The following SUCLA2 variants were observed in gnomAD, a reference collection of about 807,000 sequenced individuals.
SUCLA2 encodes the protein succinate-CoA ligase ADP-forming subunit beta, also known as succinate--CoA ligase [ADP-forming] subunit beta, mitochondrial.
In SUCLA2, 30 loss-of-function variants were observed where a neutral mutation model predicts 54.8. That is an observed-to-expected ratio of 0.55 (90% CI 0.41 to 0.74). The LOEUF is 0.74. Among genes scored for constraint, SUCLA2 ranks in the 30% least tolerant of loss-of-function variants. The pLI is 0.00. For missense variants in SUCLA2, 476 were observed against 562.9 expected (o/e 0.85, Z 1.56); for synonymous variants, 172 against 188.9 (o/e 0.91, Z 0.74).
In SUCLA2 at chr13:47,949,544, C is replaced by T; in HGVS notation, c.1167G>A (p.Gln389=). The T allele has an allele frequency of 3.7e-6, 6 of 1,613,594 alleles. No homozygotes were observed. Among genetic ancestry groups the T allele is most frequent in the Non-Finnish European group, 5.1e-6 (6 of 1,179,664 alleles). ...AGTCTTTTACTGCCATGACTATACCCTGTGCAATAACATCACAGCGCATGA... is the reference window on the plus strand; with the variant it reads ...AGTCTTTTACTGCCATGACTATACCTTGTGCAATAACATCACAGCGCATGA... ...GGIMRCDVIA[Q]GIVMAVKDLE... Residue 389 remains glutamine, a synonymous_variant, in exon 9 of 11, where the codon CAG becomes CAA. Coordinates refer to ENST00000646932, the MANE Select transcript of SUCLA2 (RefSeq NM_003850.3).
intron 4 of SUCLA2, among the ~76,000 whole-genome samples, chr13:47,986,604 A>G (rs1215119812): frequency 6.6e-6 from 1 of 152,152 alleles, no homozygotes; most frequent in African/African-American, 2.4e-5. Context: ...CGTTTTCATC[A>G]TGAATCTTTG....
At chr13:47,980,144 C>T (rs1237192167) in intron 4 of SUCLA2, among the ~76,000 whole-genome samples, 3 of 152,120 alleles carry the variant, frequency 2.0e-5, no homozygotes, top group African/African-American at 4.8e-5. Context: ...AGGCAGGGCG[C>T]GGTGGCTCAC....
At chr13:47,951,989 TAAAAA>T (rs11404279) in intron 8 of SUCLA2, among the ~76,000 whole-genome samples, 2 of 131,060 alleles carry the variant, frequency 1.5e-5, no homozygotes. Context: ...CATGCCTTTG[TAAAAA>T]AAAAAAAAAA....
rs903645474 is a variant in SUCLA2 at position 47,942,723 on chromosome 13, A to G, written c.*648T>C. On this transcript the variant is annotated 3_prime_UTR_variant, in exon 11 of 11. Coordinates refer to ENST00000646932, the MANE Select transcript of SUCLA2 (RefSeq NM_003850.3). ...TTTTGTCTGTAAGTCCTTGGTATAT[A>G]TGCCTTTATTTGAAGCAAACCTACA... is the stretch of plus-strand genomic sequence containing the variant. The G allele has an allele frequency of 3.3e-5, 5 of 152,346 alleles. No homozygotes were observed. Among genetic ancestry groups the G allele is most frequent in the African/African-American group, 1.2e-4 (5 of 41,464 alleles). 9.4% of individuals were successfully genotyped at this position (152,346 alleles called of 1,614,324 possible). A position where few individuals can be genotyped will look rare whatever the true frequency, so the allele number is the denominator to read the frequency against.
chr13:47,994,272 T>G (rs2137750462), intron 2 of SUCLA2, among the ~76,000 whole-genome samples: 1 of 151,640 alleles, frequency 6.6e-6, no homozygotes, highest in East Asian at 2.0e-4. Flanking sequence ...AATGACTCAC[T>G]AAAAACACAA....
chr13:47,952,640 C>T (rs1394986681), intron 8 of SUCLA2, among the ~76,000 whole-genome samples: 3 of 151,914 alleles, frequency 2.0e-5, no homozygotes, highest in East Asian at 3.9e-4. Flanking sequence ...CTCAGAAATG[C>T]CTCTAATTTA....
At chr13:47,943,624 ACTC>A (rs564867026) in intron 10 of SUCLA2, among the ~76,000 whole-genome samples, 179 bp from the exon 11 acceptor site, 1 of 151,950 alleles carries the variant, frequency 6.6e-6, no homozygotes, top group South Asian at 2.1e-4. Context: ...CAAGTCTGAC[ACTC>A]CTCATAGTCC....
chr13:47,955,758 G>A (rs1373261764), intron 6 of SUCLA2, among the ~76,000 whole-genome samples: 2 of 151,964 alleles, frequency 1.3e-5, no homozygotes, highest in Non-Finnish European at 2.9e-5. Flanking sequence ...CTACCAAAAT[G>A]GCTCTTAACA....
intron 4 of SUCLA2, among the ~76,000 whole-genome samples, chr13:47,980,030 T>C (rs1950048353): frequency 2.0e-5 from 3 of 152,120 alleles, no homozygotes; most frequent in African/African-American, 7.2e-5. Flanking sequence ...CCAGTTAAAA[T>C]CAAAGAGAAT....
chr13:47,981,218 G>A (rs796839078), intron 4 of SUCLA2, among the ~76,000 whole-genome samples: 10 of 151,846 alleles, frequency 6.6e-5, no homozygotes, highest in African/African-American at 2.2e-4. Context: ...GCTGAAATTC[G>A]GAATATGTAA....
At chr13:47,992,604 C>CA (rs1435510001) in intron 2 of SUCLA2, among the ~76,000 whole-genome samples, 1 of 152,166 alleles carries the variant, frequency 6.6e-6, no homozygotes, top group Non-Finnish European at 1.5e-5. Context: ...CTCATAGAAC[C>CA]TGCAGTCTTA....
At chr13:47,975,524 G>A (rs80201783) in intron 4 of SUCLA2, among the ~76,000 whole-genome samples, 1 of 151,980 alleles carries the variant, frequency 6.6e-6, no homozygotes, top group Non-Finnish European at 1.5e-5. Context: ...AAAGGAATAG[G>A]ATTGCATTCA....
chr13:47,945,247 CT>C (rs1417432366), intron 10 of SUCLA2, among the ~76,000 whole-genome samples: 55 of 51,766 alleles, frequency 1.1e-3, no homozygotes, highest in Non-Finnish European at 1.8e-3. Flanking sequence ...AAAACTCTGT[CT>C]TAAAAAAAAA....
intron 2 of SUCLA2, among the ~76,000 whole-genome samples, chr13:47,996,631 T>TC (rs1950193552): frequency 1.3e-5 from 2 of 151,840 alleles, no homozygotes; most frequent in Non-Finnish European, 2.9e-5. Context: ...TGTAAGTGAC[T>TC]CCCACGTCAC....
intron 6 of SUCLA2, chr13:47,956,789 C>T (rs986639972): frequency 3.9e-5 from 6 of 152,090 alleles, no homozygotes; most frequent in South Asian, 2.1e-4. Context: ...GTTAAACATC[C>T]GACCAAGCAC....
intron 6 of SUCLA2, among the ~76,000 whole-genome samples, chr13:47,961,292 C>G (rs539085335): frequency 1.1e-4 from 16 of 152,048 alleles, no homozygotes; most frequent in East Asian, 3.9e-4. Flanking sequence ...GTGGGGGGGG[C>G]CAGACAGGTT....
At chr13:47,974,316 T>C (rs1393473029) in intron 4 of SUCLA2, among the ~76,000 whole-genome samples, 2 of 152,166 alleles carry the variant, frequency 1.3e-5, no homozygotes, top group Non-Finnish European at 2.9e-5. Context: ...CCAGGCACAG[T>C]GGCTCACACC....
chr13:47,996,643 G>C (rs1950193629), intron 2 of SUCLA2, among the ~76,000 whole-genome samples, 200 bp downstream of exon 2: 1 of 151,566 alleles, frequency 6.6e-6, no homozygotes, highest in Non-Finnish European at 1.5e-5. Flanking sequence ...CCACGTCACT[G>C]GCATTATGGG....
intron 5 of SUCLA2, among the ~76,000 whole-genome samples, chr13:47,971,213 G>C (rs1373168547): frequency 6.6e-6 from 1 of 152,104 alleles, no homozygotes; most frequent in Non-Finnish European, 1.5e-5. Flanking sequence ...AGGAGTTCTG[G>C]AGCAGCCTGC....
Sources: gnomAD v4.1 joint callset for allele counts (sites outside exome capture counted in the v4.1 genomes callset) on GRCh38, gnomAD v4.1.1 for gene constraint, MANE v1.5 for transcripts, NCBI Gene and HGNC (gene_info 2026-07-23, HGNC 2026-07-21) for gene names.